Variants in LAMA2 observed in about 807,000 individuals in gnomAD.
LAMA2 encodes laminin subunit alpha-2.
A neutral mutation model predicts 364.8 loss-of-function variants in LAMA2; 269 were observed. The observed-to-expected ratio is 0.74, with a 90% CI of 0.67 to 0.82. The LOEUF (loss-of-function observed/expected upper bound fraction) is 0.82. Ranked by LOEUF, LAMA2 falls within the 40% of genes least tolerant of loss-of-function variation. LAMA2 has a pLI of 0.00. For synonymous variants in LAMA2, 1,379 were observed against 1,370.6 expected (o/e 1.01, Z -0.14); for missense variants, 3,807 against 3,873.2 (o/e 0.98, Z 0.45).
chr6:129,027,993 A>G (rs1441695541), intron 1 of LAMA2, among the ~76,000 whole-genome samples: 1 of 151,886 alleles, frequency 6.6e-6, no homozygotes, highest in Non-Finnish European at 1.5e-5. Flanking sequence ...ACTTCTGTGG[A>G]GTTTAATCTA....
At chr6:128,959,036 T>C (rs1400560583) in intron 1 of LAMA2, among the ~76,000 whole-genome samples, 2 of 152,190 alleles carry the variant, frequency 1.3e-5, no homozygotes, top group Admixed American at 1.3e-4. Flanking sequence ...GTTAAAACCA[T>C]ATAAATATTA....
intron 41 of LAMA2, among the ~76,000 whole-genome samples, chr6:129,429,084 CTT>C (rs1180323508): frequency 6.6e-6 from 1 of 152,170 alleles, no homozygotes; most frequent in Admixed American, 6.5e-5. Context: ...CTTCACCTCT[CTT>C]CTTTGCCTAA....
chr6:129,163,156 C>T (rs1403319259), intron 8 of LAMA2, among the ~76,000 whole-genome samples: 1 of 151,404 alleles, frequency 6.6e-6, no homozygotes, highest in African/African-American at 2.4e-5. Flanking sequence ...TGTTTTTTGA[C>T]CAGTGTTTTT....
At chr6:129,237,297 T>C (rs761645207) in intron 12 of LAMA2, among the ~76,000 whole-genome samples, 1 of 151,342 alleles carries the variant, frequency 6.6e-6, no homozygotes, top group Admixed American at 6.6e-5. Flanking sequence ...ATTTTCAATA[T>C]TTTTTACTAC....
chr6:129,476,908 C>A (rs766248080), intron 53 of LAMA2, among the ~76,000 whole-genome samples: 2 of 152,106 alleles, frequency 1.3e-5, no homozygotes, highest in African/African-American at 4.8e-5. Context: ...CAGACAGACA[C>A]CTGACATGAA....
At chr6:128,939,619 A>C (rs1197062707) in intron 1 of LAMA2, among the ~76,000 whole-genome samples, 2 of 152,194 alleles carry the variant, frequency 1.3e-5, no homozygotes, top group Non-Finnish European at 2.9e-5. Flanking sequence ...AAAGACCTAT[A>C]GGCGGTTACA....
At chr6:129,366,543 T>G (rs1360964977) in intron 33 of LAMA2, among the ~76,000 whole-genome samples, 182 bp downstream of exon 33, 2 of 152,146 alleles carry the variant, frequency 1.3e-5, no homozygotes, top group Non-Finnish European at 2.9e-5. Flanking sequence ...ATATACAGAT[T>G]TCTATTAAGG....
intron 2 of LAMA2, among the ~76,000 whole-genome samples, chr6:129,053,681 G>A (rs1043681862): frequency 6.6e-6 from 1 of 152,182 alleles, no homozygotes; most frequent in Non-Finnish European, 1.5e-5. Context: ...GCATAAAATA[G>A]GTTTCCCTTG....
rs1424709365 is a variant in LAMA2, at chr6:129,512,513, A to G, written c.8988+20A>G. 2.5e-6 allele frequency: 4 copies of G among 1,612,464 alleles called. No individual in the cohort carries two copies. The highest frequency in any genetic ancestry group is 3.4e-6 in the Non-Finnish European group (4 of 1,178,586). On this transcript the variant is annotated intron_variant, in intron 63 of 64. Transcript: ENST00000421865. The stretch of plus-strand genomic sequence containing the variant: ...GAAAAGGTGAGTGTCAGCAATGCAA[A>G]CATTTCTGATTTCTTCATGATATTG...
chr6:129,129,377 A>G (rs1777312294), intron 4 of LAMA2, among the ~76,000 whole-genome samples: 1 of 152,212 alleles, frequency 6.6e-6, no homozygotes. Flanking sequence ...ACAAATTTGT[A>G]TTTTTACTTG....
intron 4 of LAMA2, among the ~76,000 whole-genome samples, chr6:129,141,768 C>T (rs1005232091): frequency 1.3e-5 from 2 of 152,128 alleles, no homozygotes. Flanking sequence ...CACAGCTCCT[C>T]AGTGCACACA....
chr6:129,041,011 AT>A (rs915934391), intron 1 of LAMA2, among the ~76,000 whole-genome samples: 13 of 152,140 alleles, frequency 8.5e-5, no homozygotes, highest in African/African-American at 2.9e-4. Flanking sequence ...TAATAATAAA[AT>A]TTTCACTCAT....
At chr6:129,266,792 G>A (rs917413112) in intron 15 of LAMA2, among the ~76,000 whole-genome samples, 2 of 151,960 alleles carry the variant, frequency 1.3e-5, no homozygotes, top group African/African-American at 4.8e-5. Flanking sequence ...CTACTTTCCT[G>A]TCTGTGCTTT....
intron 3 of LAMA2, among the ~76,000 whole-genome samples, chr6:129,084,605 G>A (rs1042391593): frequency 6.6e-6 from 1 of 152,090 alleles, no homozygotes; most frequent in African/African-American, 2.4e-5. Context: ...ATGCTGAGCA[G>A]GCAAACAATG....
chr6:128,919,005 A>G (rs1196621565), intron 1 of LAMA2, among the ~76,000 whole-genome samples: 1 of 152,168 alleles, frequency 6.6e-6, no homozygotes, highest in East Asian at 1.9e-4. Flanking sequence ...CCTTCCTGGT[A>G]CAAATTCAGT....
intron 12 of LAMA2, among the ~76,000 whole-genome samples, chr6:129,200,614 G>T (rs1452320923): frequency 2.0e-5 from 3 of 151,752 alleles, no homozygotes; most frequent in Non-Finnish European, 2.9e-5. Flanking sequence ...GGTCATGAGG[G>T]TTCTAATCTC....
rs534652237 is a variant in LAMA2, at chr6:129,328,499, A to G, written c.4311+87A>G. 3.0e-4 allele frequency: 483 copies of G among 1,598,206 alleles called. 6 individuals carry two copies. In the South Asian group the frequency reaches 4.9e-3, roughly 16 times the overall value. The stretch of plus-strand genomic sequence containing the variant: ...GCATCTGCATGCAGAGGCCAGCTAA[A>G]CTGTAAGGGAATGCAACTGTGTGTG... On this transcript the variant is annotated intron_variant, in intron 29 of 64. Transcript: ENST00000421865.
chr6:129,120,142 A>G (rs1324494022), intron 4 of LAMA2, among the ~76,000 whole-genome samples: 1 of 152,256 alleles, frequency 6.6e-6, no homozygotes, highest in African/African-American at 2.4e-5. Flanking sequence ...AAGATATTCC[A>G]GCCTGAGTCC....
At chr6:129,343,553 A>T (rs1776384607) in intron 30 of LAMA2, among the ~76,000 whole-genome samples, 1 of 152,054 alleles carries the variant, frequency 6.6e-6, no homozygotes, top group South Asian at 2.1e-4. Context: ...AAATAACATT[A>T]TTTTTGTCTC....
Sources: allele counts gnomAD v4.1 joint callset (sites outside exome capture counted in the v4.1 genomes callset), GRCh38; gene constraint gnomAD v4.1.1; transcripts MANE v1.5; gene names NCBI Gene and HGNC (gene_info 2026-07-23, HGNC 2026-07-21).